FHOD3: variants seen among roughly 807,000 people sequenced by gnomAD.
The protein encoded by FHOD3 is FH1/FH2 domain-containing protein 3.
A neutral mutation model predicts 173.0 loss-of-function variants in FHOD3; 90 were observed. The observed-to-expected ratio is 0.52, with a 90% confidence interval of 0.44 to 0.62. The LOEUF (loss-of-function observed/expected upper bound fraction) is 0.62. FHOD3 is among the 20% of genes least tolerant of loss of function. FHOD3 has a pLI of 0.00. For missense variants in FHOD3, 1,945 were observed against 2,034.7 expected (o/e 0.96, Z 0.85); for synonymous variants, 828 against 823.0 (o/e 1.01, Z -0.10).
chr18:36,540,045 T>C (rs950777), intron 5 of FHOD3, among the ~76,000 whole-genome samples: 85,933 of 151,952 alleles, frequency 0.57, 24,345 homozygotes, highest in East Asian at 0.63. Context: ...AACAAGCATA[T>C]TTTCCAGAGA....
intron 3 of FHOD3, among the ~76,000 whole-genome samples, chr18:36,479,030 C>CA (rs1438540255): frequency 6.6e-6 from 1 of 152,178 alleles, no homozygotes; most frequent in African/African-American, 2.4e-5. Flanking sequence ...TAGTCAAGTG[C>CA]AAATAACAAG....
chr18:36,590,261 T>C lies in FHOD3; in HGVS notation c.607-4526T>C, dbSNP rs2059169853. Among the ~76,000 whole-genome samples the C allele has an allele frequency of 2.6e-5, 4 of 152,326 alleles. No homozygotes were observed. The South Asian group carries it at 8.3e-4, about 32-fold the overall frequency. On this transcript the variant is annotated intron_variant, in intron 6 of 28. Coordinates refer to ENST00000590592, the MANE Select transcript of FHOD3 (RefSeq NM_001281740.3). ...AGAGCTATGGGATGAGCAGTGTCTT[T>C]GGACTTGGAGAGGGTGTGTGGCCTC...
intron 14 of FHOD3, among the ~76,000 whole-genome samples, chr18:36,678,820 T>C (rs1235136302): frequency 6.6e-6 from 1 of 152,216 alleles, no homozygotes; most frequent in Non-Finnish European, 1.5e-5. Context: ...GCAAACCCAA[T>C]GTGATTTTGT....
intron 3 of FHOD3, among the ~76,000 whole-genome samples, chr18:36,398,115 C>T (rs974830742): frequency 4.6e-5 from 7 of 152,142 alleles, no homozygotes; most frequent in African/African-American, 1.4e-4. Flanking sequence ...ATGGGTTTTT[C>T]CTGCTGTATT....
chr18:36,763,471 TATA>T (rs1188132459), intron 27 of FHOD3, among the ~76,000 whole-genome samples: 2 of 143,876 alleles, frequency 1.4e-5, no homozygotes, highest in East Asian at 1.9e-4. Flanking sequence ...ACACGTTATA[TATA>T]ATATTGTATT....
chr18:36,674,272 T>G (rs749145008), intron 14 of FHOD3, among the ~76,000 whole-genome samples: 17 of 152,356 alleles, frequency 1.1e-4, no homozygotes, highest in Admixed American at 5.2e-4. Flanking sequence ...GACAGCCTCA[T>G]GACTAGAAAA....
intron 14 of FHOD3, among the ~76,000 whole-genome samples, chr18:36,674,740 G>A (rs1289419362): frequency 6.6e-6 from 1 of 152,120 alleles, no homozygotes; most frequent in Admixed American, 6.5e-5. Flanking sequence ...GAGACAGTGA[G>A]GGGAGCATCT....
chr18:36,572,463 C>G (rs12967138), intron 5 of FHOD3, among the ~76,000 whole-genome samples: 28,125 of 151,890 alleles, frequency 0.19, 2,968 homozygotes, highest in East Asian at 0.47. Context: ...GTTTACAGGC[C>G]GGATTGCTTT....
chr18:36,497,879 C>A (rs1389799070), intron 3 of FHOD3, among the ~76,000 whole-genome samples: 1 of 152,112 alleles, frequency 6.6e-6, no homozygotes, highest in Non-Finnish European at 1.5e-5. Context: ...TATAGAACAG[C>A]CACTCAATAA....
chr18:36,481,020 G>GGTT lies in FHOD3; in HGVS notation c.338-20912_338-20911insGTT, dbSNP rs1184139038. ...GCCAGGCTGGGCATATTGGGAGGTGGTTTTTTTTTTTTTTTTTTTTTTGCG... is the reference window on the plus strand; with the variant it reads ...GCCAGGCTGGGCATATTGGGAGGTGGGTTTTTTTTTTTTTTTTTTTTTTTTGCG... On this transcript the variant is annotated intron_variant, in intron 3 of 28. Transcript: ENST00000590592. 7.3e-3 allele frequency among the ~76,000 whole-genome samples: 761 copies of GGTT among 104,440 alleles called. 17 individuals carry two copies. The highest frequency in any genetic ancestry group is 0.028 in the African/African-American group (706 of 24,988). The allele number at this position is 104,440 out of a possible 152,430, so 68.5% of individuals were successfully genotyped here. A position where few individuals can be genotyped will look rare whatever the true frequency, so the allele number is the denominator to read the frequency against.
intron 27 of FHOD3, among the ~76,000 whole-genome samples, chr18:36,761,093 G>C (rs2150275383): frequency 6.6e-6 from 1 of 152,288 alleles, no homozygotes; most frequent in Admixed American, 6.5e-5. Context: ...CCTGCTTTTA[G>C]AAATAAAGTT....
chr18:36,772,131 G>A (rs2043413412), intron 28 of FHOD3, among the ~76,000 whole-genome samples: 1 of 152,202 alleles, frequency 6.6e-6, no homozygotes, highest in Non-Finnish European at 1.5e-5. Context: ...ATGCAAAACA[G>A]TCATATATTC....
chr18:36,566,780 T>C (rs2058279790), intron 5 of FHOD3, among the ~76,000 whole-genome samples: 1 of 151,850 alleles, frequency 6.6e-6, no homozygotes, highest in African/African-American at 2.4e-5. Flanking sequence ...ATTAAGGGAA[T>C]TGGGTGACTC....
chr18:36,658,396 A>C (rs1460065835), intron 14 of FHOD3, among the ~76,000 whole-genome samples: 1 of 152,214 alleles, frequency 6.6e-6, no homozygotes, highest in East Asian at 1.9e-4. Flanking sequence ...TTTTAATATT[A>C]GCGTCTCATC....
intron 4 of FHOD3, among the ~76,000 whole-genome samples, chr18:36,504,800 A>C (rs919546737): frequency 2.0e-5 from 3 of 152,178 alleles, no homozygotes; most frequent in African/African-American, 7.2e-5. Flanking sequence ...TCCTGTGCTT[A>C]CCTGTTGTAC....
intron 5 of FHOD3, among the ~76,000 whole-genome samples, chr18:36,543,565 T>C (rs890808965): frequency 6.6e-6 from 1 of 152,098 alleles, no homozygotes; most frequent in African/African-American, 2.4e-5. Flanking sequence ...ATGAACAAAA[T>C]AGAACATTCT....
At chr18:36,472,558 C>T (rs2053341406) in intron 3 of FHOD3, among the ~76,000 whole-genome samples, 1 of 152,178 alleles carries the variant, frequency 6.6e-6, no homozygotes, top group Non-Finnish European at 1.5e-5. Context: ...CTAGCAGTCA[C>T]TCCTCATCCC....
chr18:36,577,719 G>T (rs2058707164), intron 6 of FHOD3, among the ~76,000 whole-genome samples: 2 of 152,332 alleles, frequency 1.3e-5, no homozygotes, highest in Non-Finnish European at 1.5e-5. Context: ...AAGCCTAGCT[G>T]GTTTCCCCAT....
intron 6 of FHOD3, among the ~76,000 whole-genome samples, chr18:36,579,806 A>G (rs139746214): frequency 2.9e-4 from 44 of 152,286 alleles, no homozygotes; most frequent in African/African-American, 9.9e-4. Context: ...TTCTTCATAA[A>G]TTACCCAGTC....
Sources: gnomAD v4.1 joint callset for allele counts (sites outside exome capture counted in the v4.1 genomes callset) on GRCh38, gnomAD v4.1.1 for gene constraint, MANE v1.5 for transcripts, NCBI Gene and HGNC (gene_info 2026-07-23, HGNC 2026-07-21) for gene names.